TACR3: variants seen among roughly 807,000 people sequenced by gnomAD.
TACR3 encodes neuromedin-K receptor.
Under a neutral mutation model 35.0 loss-of-function variants are expected in TACR3, and 34 were observed. The ratio of observed to expected loss-of-function variants is 0.97; its 90% CI spans 0.74 to 1.30. The LOEUF (loss-of-function observed/expected upper bound fraction) is 1.30, where lower values mean the gene tolerates loss of function less well. Among genes scored for constraint, TACR3 ranks in the 50% most tolerant of loss-of-function variants. The probability of loss-of-function intolerance (pLI) is 0.00; values close to 1 mark genes in which losing one functional copy is unlikely to be tolerated. For synonymous variants in TACR3, 233 were observed against 221.1 expected (o/e 1.05, Z -0.48); for missense variants, 558 against 591.7 (o/e 0.94, Z 0.59).
intron 3 of TACR3, among the ~76,000 whole-genome samples, chr4:103,652,564 T>C (rs1011528756): frequency 2.6e-5 from 4 of 152,112 alleles, no homozygotes; most frequent in African/African-American, 9.7e-5. Flanking sequence ...TTTTTGGTTC[T>C]TAGGAAATGA....
chr4:103,593,955 A>G (rs926003424), intron 3 of TACR3, among the ~76,000 whole-genome samples: 1 of 152,166 alleles, frequency 6.6e-6, no homozygotes, highest in African/African-American at 2.4e-5. Flanking sequence ...TCATACATAA[A>G]GGGTACTCAG....
chr4:103,620,306 T>A (rs1228632455), intron 3 of TACR3, among the ~76,000 whole-genome samples: 1 of 152,158 alleles, frequency 6.6e-6, no homozygotes. Context: ...ACACTATTGG[T>A]AGGAACATAA....
At chr4:103,636,810 C>A (rs1725204374) in intron 3 of TACR3, among the ~76,000 whole-genome samples, 1 of 152,084 alleles carries the variant, frequency 6.6e-6, no homozygotes, top group South Asian at 2.1e-4. Context: ...CTATAAACAC[C>A]TGTATGCAAA....
At chr4:103,638,159 T>G (rs1284592886) in intron 3 of TACR3, among the ~76,000 whole-genome samples, 1 of 151,964 alleles carries the variant, frequency 6.6e-6, no homozygotes, top group Non-Finnish European at 1.5e-5. Context: ...AGAACAAAGC[T>G]GGAGGCATCA....
intron 3 of TACR3, among the ~76,000 whole-genome samples, chr4:103,638,356 A>G (rs1250988324): frequency 1.3e-5 from 2 of 152,038 alleles, no homozygotes; most frequent in African/African-American, 4.8e-5. Flanking sequence ...TCCCTATTTA[A>G]TCAATGGTGC....
intron 3 of TACR3, among the ~76,000 whole-genome samples, chr4:103,635,867 G>C (rs1181603514): frequency 6.6e-6 from 1 of 151,892 alleles, no homozygotes; most frequent in Non-Finnish European, 1.5e-5. Context: ...CTAGCAACCA[G>C]CAGTCCTGAA....
At chr4:103,632,768 A>G (rs1353672591) in intron 3 of TACR3, among the ~76,000 whole-genome samples, 5 of 152,116 alleles carry the variant, frequency 3.3e-5, no homozygotes, top group Non-Finnish European at 5.9e-5. Flanking sequence ...GCAAAGACCA[A>G]TCTATTTCCA....
intron 1 of TACR3, among the ~76,000 whole-genome samples, chr4:103,691,772 A>G (rs1722407860): frequency 6.6e-6 from 1 of 152,158 alleles, no homozygotes; most frequent in Non-Finnish European, 1.5e-5. Flanking sequence ...AGCCACAAAC[A>G]ATAGCATGAG....
chr4:103,697,548 C>T (rs979544459), intron 1 of TACR3, among the ~76,000 whole-genome samples: 3 of 151,928 alleles, frequency 2.0e-5, no homozygotes, highest in South Asian at 2.1e-4. Context: ...CCTCAGCCTC[C>T]GGAGTAACTG....
At chr4:103,703,262 C>T (rs552198942) in intron 1 of TACR3, among the ~76,000 whole-genome samples, 1 of 152,058 alleles carries the variant, frequency 6.6e-6, no homozygotes, top group African/African-American at 2.4e-5. Flanking sequence ...GCCATTTTAA[C>T]CATTGTAAGT....
intron 1 of TACR3, among the ~76,000 whole-genome samples, chr4:103,673,259 G>A (rs1166297897): frequency 6.6e-6 from 1 of 152,132 alleles, no homozygotes; most frequent in Non-Finnish European, 1.5e-5. Context: ...TGGTGCAAGA[G>A]GCCTAGCTTT....
intron 1 of TACR3, among the ~76,000 whole-genome samples, chr4:103,664,561 C>T (rs1460654813): frequency 6.6e-6 from 1 of 152,106 alleles, no homozygotes; most frequent in Admixed American, 6.6e-5. Flanking sequence ...TGCTCCTGGT[C>T]ATAGTAGCAT....
chr4:103,635,418 A>T (rs1180140794), intron 3 of TACR3, among the ~76,000 whole-genome samples: 1 of 151,970 alleles, frequency 6.6e-6, no homozygotes, highest in Non-Finnish European at 1.5e-5. Context: ...AACTGAACTT[A>T]GGTGTGCATC....
intron 3 of TACR3, among the ~76,000 whole-genome samples, chr4:103,625,952 A>G (rs1053838485): frequency 2.0e-5 from 3 of 152,176 alleles, no homozygotes; most frequent in African/African-American, 7.2e-5. Context: ...AGGCCACATG[A>G]AGATCCCAGA....
chr4:103,699,613 AAATGAT>A (rs1292002037), intron 1 of TACR3, among the ~76,000 whole-genome samples: 1 of 152,184 alleles, frequency 6.6e-6, no homozygotes, highest in Non-Finnish European at 1.5e-5. Flanking sequence ...TTTAGGTGAA[AAATGAT>A]ATTGGCTCGG....
At chr4:103,703,537 T>C (rs1024798530) in intron 1 of TACR3, among the ~76,000 whole-genome samples, 3 of 152,310 alleles carry the variant, frequency 2.0e-5, no homozygotes, top group African/African-American at 7.2e-5. Flanking sequence ...ATTTCTCATG[T>C]GTTAAAAATC....
chr4:103,652,986 T>C (rs576620686), intron 3 of TACR3, among the ~76,000 whole-genome samples: 1 of 152,264 alleles, frequency 6.6e-6, no homozygotes, highest in Admixed American at 6.5e-5. Context: ...AGCTATATTT[T>C]AAAATTTTAT....
At chr4:103,691,815 A>G (rs928582878) in intron 1 of TACR3, among the ~76,000 whole-genome samples, 1 of 152,204 alleles carries the variant, frequency 6.6e-6, no homozygotes, top group African/African-American at 2.4e-5. Flanking sequence ...CTCCTGCTAC[A>G]GTTAACTAGC....
intron 3 of TACR3, among the ~76,000 whole-genome samples, chr4:103,629,850 C>CAAAAA: frequency 1.1e-5 from 1 of 90,084 alleles, no homozygotes; most frequent in Non-Finnish European, 2.2e-5. Context: ...CTAAGCAAAA[C>CAAAAA]AAAAAAAAAA....
Sources: allele counts gnomAD v4.1 joint callset (sites outside exome capture counted in the v4.1 genomes callset), GRCh38; gene constraint gnomAD v4.1.1; transcripts MANE v1.5; gene names NCBI Gene and HGNC (gene_info 2026-07-23, HGNC 2026-07-21).